Variants in CERK observed in about 807,000 individuals in gnomAD.
CERK encodes acylsphingosine kinase.
In CERK, 39 loss-of-function variants were observed where a neutral mutation model predicts 63.4. That is an observed-to-expected ratio of 0.61 (90% CI 0.48 to 0.80). The LOEUF (loss-of-function observed/expected upper bound fraction) is 0.80. Ranked by LOEUF, CERK falls within the 30% of genes least tolerant of loss-of-function variation. The pLI is 0.00. For missense variants in CERK, 670 were observed against 714.1 expected (o/e 0.94, Z 0.70); for synonymous variants, 302 against 280.0 (o/e 1.08, Z -0.78).
At chr22:46,729,099 A>T (rs1384303853) in intron 1 of CERK, among the ~76,000 whole-genome samples, 3 of 152,250 alleles carry the variant, frequency 2.0e-5, no homozygotes, top group Non-Finnish European at 4.4e-5. Flanking sequence ...CTGGTGTCTC[A>T]TGCCTGTAAT....
At chr22:46,691,947 C>T (rs546078254) in intron 10 of CERK, among the ~76,000 whole-genome samples, 170 bp from the exon 11 acceptor site, 3 of 152,282 alleles carry the variant, frequency 2.0e-5, no homozygotes, top group East Asian at 3.9e-4. Context: ...CGGAACTGTC[C>T]GCTCCCCGCA....
rs2082703319 is a variant in CERK, at chr22:46,686,695, C to T, written c.*439G>A. The T allele has an allele frequency of 5.7e-6, 1 of 176,886 alleles. No individual in the cohort carries two copies. Among genetic ancestry groups the T allele is most frequent in the Non-Finnish European group, 1.2e-5 (1 of 81,352 alleles). The allele number at this position is 176,886 out of a possible 1,614,324, so 11.0% of individuals were successfully genotyped here. On this transcript the variant is annotated 3_prime_UTR_variant, in exon 13 of 13. Transcript: ENST00000216264. ...AAGGCAAAGAGAATCAACCACTTCC[C>T]AAAACTTGGCCACAAACCGTTACAG...
chr22:46,696,280 G>A (rs1221956846), intron 8 of CERK, among the ~76,000 whole-genome samples: 1 of 152,198 alleles, frequency 6.6e-6, no homozygotes, highest in African/African-American at 2.4e-5. Context: ...CCAGGTGCCT[G>A]GAATGCACTC....
At position 46,731,492 on chromosome 22, in the gene CERK, G is replaced by A. The variant is rs531697983; in HGVS notation, c.142+6515C>T. Reference sequence around the variant, plus strand: ...ACCCCCACCTGGCAGTACCAGCGCCGTTCCCTGCTGGAGCAGTGCCAGAGA... The same window carrying A: ...ACCCCCACCTGGCAGTACCAGCGCCATTCCCTGCTGGAGCAGTGCCAGAGA... On this transcript the variant is annotated intron_variant, in intron 1 of 12. Coordinates refer to ENST00000216264, the MANE Select transcript of CERK (RefSeq NM_022766.6). Among the ~76,000 whole-genome samples, 13 of 152,374 alleles carry A rather than the reference G, an allele frequency of 8.5e-5. No individual in the cohort carries two copies. In the South Asian group the frequency reaches 1.7e-3, roughly 19 times the overall value.
rs143406925 is a variant in CERK at position 46,695,104 on chromosome 22, C to T, written c.1049+106G>A. 1.1e-3 allele frequency: 747 copies of T among 669,382 alleles called. 4 individuals carry two copies. The East Asian group carries it at 0.015, about 14-fold the overall frequency. 41.5% of individuals were successfully genotyped at this position (669,382 alleles called of 1,614,324 possible). On this transcript the variant is annotated intron_variant, in intron 9 of 12. Coordinates refer to ENST00000216264, the MANE Select transcript of CERK (RefSeq NM_022766.6). ...ATCGTGTGTCTGGGCACGCTACATC[C>T]GGCACCTTCCACCACATTTGGAAAA...
Position 46,712,274 on chromosome 22 carries a change from T to A in CERK, c.399A>T (p.Leu133Phe), listed in dbSNP as rs529832733. Reference protein sequence around the residue: ...LEKLTSRPKHLLVFINPFGGK... With the variant: ...LEKLTSRPKHFLVFINPFGGK... Reference sequence around the variant, plus strand: ...CTCCAAACGGGTTGATAAATACCAGTAAATGCTTTGGTCTGGACGCTGTAA... The same window carrying A: ...CTCCAAACGGGTTGATAAATACCAGAAAATGCTTTGGTCTGGACGCTGTAA... The change falls in exon 4 of 13, where the codon TTA (leucine) becomes TTT (phenylalanine). Residue 133 changes from leucine to phenylalanine, a missense_variant. By Grantham distance (22) the Leu-to-Phe change is conservative (BLOSUM62 0). Transcript: ENST00000216264. The A allele has an allele frequency of 3.7e-6, 6 of 1,614,040 alleles. No individual in the cohort carries two copies. In the Admixed American group the frequency reaches 1.0e-4, roughly 27 times the overall value.
chr22:46,719,366 C>T (rs148211597), intron 3 of CERK, among the ~76,000 whole-genome samples: 78 of 151,870 alleles, frequency 5.1e-4, no homozygotes, highest in African/African-American at 1.8e-3. Context: ...GCTCCTACTA[C>T]ATTTCAGATG....
At chr22:46,689,819 C>T (rs147647142) in intron 12 of CERK, among the ~76,000 whole-genome samples, 173 bp downstream of exon 12, 21 of 152,264 alleles carry the variant, frequency 1.4e-4, no homozygotes, top group African/African-American at 4.3e-4. Context: ...ATGTGGGTAA[C>T]GGCATCTCAT....
intron 7 of CERK, among the ~76,000 whole-genome samples, chr22:46,699,811 G>A (rs540009139): frequency 7.2e-4 from 110 of 152,344 alleles, no homozygotes; most frequent in Admixed American, 1.4e-3. Context: ...AAATCAAGCC[G>A]AGTGCAGTGG....
intron 12 of CERK, 74 bp from the exon 13 acceptor site, chr22:46,687,280 CAG>C: frequency 1.6e-6 from 1 of 640,672 alleles, no homozygotes; most frequent in Non-Finnish European, 2.3e-6. Flanking sequence ...CACTCCTGGA[CAG>C]GGGCTGCAGT....
At chr22:46,712,748 G>A (rs1372438366) in intron 3 of CERK, among the ~76,000 whole-genome samples, 2 of 152,120 alleles carry the variant, frequency 1.3e-5, no homozygotes, top group Admixed American at 1.3e-4. Flanking sequence ...TTGCAGAGAT[G>A]GAAAGACAGA....
At chr22:46,733,534 T>TCCA (rs2082956713) in intron 1 of CERK, among the ~76,000 whole-genome samples, 1 of 151,456 alleles carries the variant, frequency 6.6e-6, no homozygotes, top group Non-Finnish European at 1.5e-5. Flanking sequence ...CATCAAGTGA[T>TCCA]CCACCCGCCT....
At chr22:46,707,500 C>T (rs1039161455) in intron 6 of CERK, among the ~76,000 whole-genome samples, 1 of 152,144 alleles carries the variant, frequency 6.6e-6, no homozygotes. Context: ...TCCTTCAGGT[C>T]CAGAAGCCAC....
chr22:46,737,463 G>T (rs541210054), intron 1 of CERK, among the ~76,000 whole-genome samples: 1 of 152,176 alleles, frequency 6.6e-6, no homozygotes, highest in Non-Finnish European at 1.5e-5. Flanking sequence ...CCCGTGGCAC[G>T]GAAACCAATT....
chr22:46,723,227 A>G (rs1223959751), intron 1 of CERK, among the ~76,000 whole-genome samples: 1 of 152,242 alleles, frequency 6.6e-6, no homozygotes, highest in African/African-American at 2.4e-5. Flanking sequence ...TTACACACAG[A>G]TTAATAAATG....
chr22:46,712,197 G>A lies in CERK; in HGVS notation c.476C>T (p.Thr159Ile), dbSNP rs752405666. ...GATGTCAGTGGTGATGGAGGCTAAG[G>A]TGAACAGTGGTGCCACTTTTCTTTC... is the stretch of plus-strand genomic sequence containing the variant. ...IYERKVAPLF[T>I]LASITTDIIV... Residue 159 changes from threonine to isoleucine, a missense_variant, in exon 4 of 13, where the codon ACC becomes ATC. Coordinates refer to ENST00000216264, the MANE Select transcript of CERK (RefSeq NM_022766.6). 1.2e-6 allele frequency: 2 copies of A among 1,614,212 alleles called. No homozygotes were observed. Among genetic ancestry groups the A allele is most frequent in the Non-Finnish European group, 1.7e-6 (2 of 1,180,018 alleles).
chr22:46,737,626 G>A (rs2082981425), intron 1 of CERK, among the ~76,000 whole-genome samples: 1 of 135,652 alleles, frequency 7.4e-6, no homozygotes, highest in African/African-American at 2.5e-5. Context: ...TGCAATGCGC[G>A]CGGTGGGGAG....
chr22:46,693,080 G>A (rs1262531143), intron 10 of CERK, among the ~76,000 whole-genome samples: 1 of 152,188 alleles, frequency 6.6e-6, no homozygotes, highest in East Asian at 1.9e-4. Context: ...GACAGAGACT[G>A]TGTGGTTGCC....
In CERK at chr22:46,686,752, C is replaced by A; in HGVS notation, c.*382G>T. 4.7e-6 allele frequency: 1 copy of A among 214,056 alleles called. No homozygotes were observed. Among genetic ancestry groups the A allele is most frequent in the Non-Finnish European group, 9.6e-6 (1 of 104,130 alleles). The allele number at this position is 214,056 out of a possible 1,614,324, so 13.3% of individuals were successfully genotyped here. On this transcript the variant is annotated 3_prime_UTR_variant, in exon 13 of 13. Coordinates refer to ENST00000216264, the MANE Select transcript of CERK (RefSeq NM_022766.6). ...TCCTGCAAAGTGGATCAAAGTGACCCACTGCTACCTCAGGCCCAGATGGTG... is the reference window on the plus strand; with the variant it reads ...TCCTGCAAAGTGGATCAAAGTGACCAACTGCTACCTCAGGCCCAGATGGTG...
Sources: gnomAD v4.1 joint callset for allele counts (sites outside exome capture counted in the v4.1 genomes callset) on GRCh38, gnomAD v4.1.1 for gene constraint, MANE v1.5 for transcripts, NCBI Gene and HGNC (gene_info 2026-07-23, HGNC 2026-07-21) for gene names.